GK5: variants seen among roughly 807,000 people sequenced by gnomAD.
GK5 encodes ATP:glycerol 3-phosphotransferase 5.
In GK5, 39 loss-of-function variants were observed where a neutral mutation model predicts 77.3. That is an observed-to-expected ratio of 0.50 (90% CI 0.39 to 0.66). The LOEUF (loss-of-function observed/expected upper bound fraction) is 0.66. Among genes scored for constraint, GK5 ranks in the 30% least tolerant of loss-of-function variants. GK5 has a pLI of 0.00. For missense variants in GK5, 487 were observed against 633.8 expected, an observed-to-expected ratio of 0.77 and a Z score of 2.49; for synonymous variants, 211 against 208.0, an observed-to-expected ratio of 1.01 and a Z score of -0.13.
At chr3:142,175,701 T>C (rs1207193589) in intron 12 of GK5, among the ~76,000 whole-genome samples, 1 of 152,138 alleles carries the variant, frequency 6.6e-6, no homozygotes, top group East Asian at 1.9e-4. Flanking sequence ...TGCCCTCTAC[T>C]GCCAGTATAT....
intron 3 of GK5, among the ~76,000 whole-genome samples, chr3:142,212,855 A>G (rs1354834368): frequency 1.2e-4 from 2 of 17,120 alleles, no homozygotes; most frequent in Non-Finnish European, 2.3e-4. Context: ...TTTTTTTTTG[A>G]GACGGAGTCT....
chr3:142,195,107 A>G (rs538783588), intron 5 of GK5, among the ~76,000 whole-genome samples: 3 of 151,882 alleles, frequency 2.0e-5, no homozygotes, highest in African/African-American at 7.2e-5. Context: ...GCTTTTTTCT[A>G]TATCTACTGA....
intron 11 of GK5, among the ~76,000 whole-genome samples, chr3:142,180,303 T>G (rs1377287263): frequency 6.6e-6 from 1 of 151,450 alleles, no homozygotes; most frequent in African/African-American, 2.4e-5. Context: ...CCTCTTTCTT[T>G]TTTCTTTTTT....
At chr3:142,211,126 T>C (rs1413980548) in intron 3 of GK5, among the ~76,000 whole-genome samples, 8 of 152,236 alleles carry the variant, frequency 5.3e-5, no homozygotes, top group South Asian at 2.1e-4. Flanking sequence ...TGGTTCCAAA[T>C]TGGGGATGTC....
At position 142,213,429 on chromosome 3, in the gene GK5, A is replaced by G. The variant is rs796173931; in HGVS notation, c.317+97T>C. ...CTCTTAACCAAACGAAACTATTCTC[A>G]ATTCAGAAAGTTAAAACTCCCCAAA... On this transcript the variant is annotated intron_variant, in intron 3 of 15. Transcript: ENST00000392993. 6 of 797,990 alleles carry G rather than the reference A, an allele frequency of 7.5e-6. No individual in the cohort carries two copies. In the South Asian group the frequency reaches 9.0e-5, roughly 12 times the overall value. The allele number at this position is 797,990 out of a possible 1,614,324, so 49.4% of individuals were successfully genotyped here.
At chr3:142,212,529 C>G (rs1190556720) in intron 3 of GK5, among the ~76,000 whole-genome samples, 1 of 151,914 alleles carries the variant, frequency 6.6e-6, no homozygotes, top group Non-Finnish European at 1.5e-5. Context: ...GAGTAAGACC[C>G]TGTCTCAAGA....
chr3:142,212,785 G>A (rs1373814904), intron 3 of GK5, among the ~76,000 whole-genome samples: 1 of 147,722 alleles, frequency 6.8e-6, no homozygotes, highest in Non-Finnish European at 1.5e-5. Flanking sequence ...TATTATAACT[G>A]TGTTTAGAGT....
intron 11 of GK5, among the ~76,000 whole-genome samples, chr3:142,178,739 A>G (rs2063655140): frequency 6.6e-6 from 1 of 152,212 alleles, no homozygotes; most frequent in African/African-American, 2.4e-5. Flanking sequence ...CATGTACATT[A>G]TTTTTGGTGG....
In GK5 at chr3:142,188,461, G is replaced by A. The variant is rs552437261; in HGVS notation, c.544-682C>T. ...AGGCAGGAGAATGGCGTGAAGCTGG[G>A]AGGTGGAGCTTGCAGTGAGCCGAGA... On this transcript the variant is annotated intron_variant, in intron 5 of 15. Transcript: ENST00000392993. Among the ~76,000 whole-genome samples the A allele has an allele frequency of 2.0e-5, 3 of 152,338 alleles. No homozygotes were observed. In the South Asian group the frequency reaches 6.2e-4, roughly 32 times the overall value.
Position 142,170,323 on chromosome 3 carries a change from A to G in GK5, c.1441+2T>C. 1 of 1,613,986 alleles carries G rather than the reference A, an allele frequency of 6.2e-7. No individual in the cohort carries two copies. Among genetic ancestry groups the G allele is most frequent in the East Asian group, 2.2e-5 (1 of 44,882 alleles). On this transcript the variant is annotated splice_donor_variant, in intron 15 of 15. Transcript: ENST00000392993. LOFTEE classifies it high-confidence loss of function. ...TCTCATTCTTATAAATTTCACACAT[A>G]CCAACAGCAAGGCCAGCTAGAGAAG... is the stretch of plus-strand genomic sequence containing the variant.
intron 1 of GK5, among the ~76,000 whole-genome samples, chr3:142,220,303 T>A (rs2064324609): frequency 6.6e-6 from 1 of 152,100 alleles, no homozygotes; most frequent in Admixed American, 6.5e-5. Context: ...GCCTGGCTAA[T>A]TTTTTGTATT....
intron 5 of GK5, among the ~76,000 whole-genome samples, chr3:142,193,670 A>G (rs2063887216): frequency 6.6e-6 from 1 of 152,152 alleles, no homozygotes; most frequent in Non-Finnish European, 1.5e-5. Flanking sequence ...TTCAAAGTAT[A>G]TATTTTGTAG....
chr3:142,186,634 T>TC (rs2063776106), intron 6 of GK5, 121 bp from the exon 7 acceptor site: 3 of 400,434 alleles, frequency 7.5e-6, no homozygotes, highest in East Asian at 8.9e-5. Context: ...TATTTTCTTT[T>TC]TTTTTTTTTT....
intron 15 of GK5, among the ~76,000 whole-genome samples, chr3:142,167,537 T>G (rs887753405): frequency 3.3e-5 from 5 of 152,218 alleles, no homozygotes; most frequent in Non-Finnish European, 5.9e-5. Flanking sequence ...TGTTTACATT[T>G]TAAGACATAT....
chr3:142,178,272 T>C (rs1025019334), intron 11 of GK5, among the ~76,000 whole-genome samples: 2 of 152,194 alleles, frequency 1.3e-5, no homozygotes, highest in African/African-American at 4.8e-5. Context: ...CTGATGAAAG[T>C]ATCATCTACC....
chr3:142,188,348 G>A (rs1282407894), intron 5 of GK5, among the ~76,000 whole-genome samples: 1 of 152,142 alleles, frequency 6.6e-6, no homozygotes, highest in African/African-American at 2.4e-5. Context: ...TGGCTAACAT[G>A]GTGAAACCCT....
chr3:142,204,630 C>T (rs1490781149), intron 4 of GK5, 65 bp downstream of exon 4: 7 of 888,694 alleles, frequency 7.9e-6, no homozygotes, highest in Admixed American at 5.1e-5. Flanking sequence ...GGAAATAATA[C>T]AATTAAGGGA....
intron 2 of GK5, among the ~76,000 whole-genome samples, chr3:142,214,690 C>G (rs1019228177): frequency 9.9e-5 from 15 of 152,142 alleles, no homozygotes; most frequent in African/African-American, 3.6e-4. Flanking sequence ...AATGCCTCCT[C>G]TTTGGCTGGG....
At chr3:142,209,809 C>T (rs189400820) in intron 3 of GK5, among the ~76,000 whole-genome samples, 3 of 152,296 alleles carry the variant, frequency 2.0e-5, no homozygotes, top group Admixed American at 1.3e-4. Flanking sequence ...GCATTACTCC[C>T]TGTGAGCCCT....
Sources: gnomAD v4.1 joint callset for allele counts (sites outside exome capture counted in the v4.1 genomes callset) on GRCh38, gnomAD v4.1.1 for gene constraint, MANE v1.5 for transcripts, NCBI Gene and HGNC (gene_info 2026-07-23, HGNC 2026-07-21) for gene names.